Variants in UBIAD1 observed in about 807,000 individuals in gnomAD.
UBIAD1 encodes the protein UbiA prenyltransferase domain containing 1.
In UBIAD1, 12 loss-of-function variants were observed where a neutral mutation model predicts 20.1. The observed-to-expected ratio is 0.60, with a 90% CI of 0.38 to 0.97. The LOEUF (loss-of-function observed/expected upper bound fraction) is 0.97, where lower values mean the gene tolerates loss of function less well. UBIAD1 is among the 50% of genes least tolerant of loss of function. UBIAD1 has a pLI of 0.00. For synonymous variants in UBIAD1, 207 were observed against 189.2 expected, an observed-to-expected ratio of 1.09 and a Z score of -0.77; for missense variants, 333 against 419.5, an observed-to-expected ratio of 0.79 and a Z score of 1.80.
chr1:11,285,523 C>T lies in UBIAD1; in HGVS notation c.530-121C>T, dbSNP rs539837623. ...GGGGTTAAGGGATGAAATGAGTGCC[C>T]ACCTGCACAGTCTAAGGATTTACCA... On this transcript the variant is annotated intron_variant, in intron 1 of 1. Coordinates refer to ENST00000376810, the MANE Select transcript of UBIAD1 (RefSeq NM_013319.3). The surrounding 1 kb of genome is among the most constrained non-coding windows in gnomAD (Gnocchi z 4.4). 6.1e-6 allele frequency: 9 copies of T among 1,463,694 alleles called. No individual in the cohort carries two copies. The highest frequency in any genetic ancestry group is 1.8e-5 in the Admixed American group (1 of 55,292). The allele number at this position is 1,463,694 out of a possible 1,614,324, so 90.7% of individuals were successfully genotyped here.
downstream of UBIAD1, among the ~76,000 whole-genome samples, chr1:11,299,090 G>A (rs1034469127): frequency 6.6e-6 from 1 of 152,252 alleles, no homozygotes; most frequent in African/African-American, 2.4e-5. Context: ...TGCATGAGAG[G>A]TGGGAGAAGA....
chr1:11,284,847 G>A (rs968567661), intron 1 of UBIAD1, among the ~76,000 whole-genome samples: 1 of 152,136 alleles, frequency 6.6e-6, no homozygotes, highest in Non-Finnish European at 1.5e-5. Flanking sequence ...GGTTATGAGA[G>A]GGGAAGCTGA....
rs1375945581 is a variant in UBIAD1 at position 11,273,955 on chromosome 1, G to A, written c.424G>A (p.Gly142Ser). 5.0e-6 allele frequency: 8 copies of A among 1,614,186 alleles called. No individual in the cohort carries two copies. The highest frequency in any genetic ancestry group is 3.3e-5 in the Admixed American group (2 of 60,020). The change falls in exon 1 of 2, where the codon GGC (glycine) becomes AGC (serine). Residue 142 changes from glycine (G) to serine (S), a missense_variant. Gly to Ser is a moderately conservative substitution (Grantham distance 56). Transcript: ENST00000376810. This position sits in a 1 kb window ranked among gnomAD's most constrained non-coding sequence, Gnocchi z 4.9. ...VRFGVFLYTL[G>S]CVCAACLYYL... ...GTTCGGAGTCTTCCTCTACACGTTG[G>A]GCTGCGTCTGTGCCGCTTGCCTCTA...
chr1:11,290,962 C>T (rs2101026996), downstream of UBIAD1, among the ~76,000 whole-genome samples: 1 of 140,724 alleles, frequency 7.1e-6, no homozygotes, highest in South Asian at 2.1e-4. Flanking sequence ...GACTGTGTCT[C>T]CTAAATAAAC....
In UBIAD1 at chr1:11,288,115, GTGCTC is replaced by G. The variant is rs1189798830; in HGVS notation, c.*1985_*1989del. Reference sequence around the variant, plus strand: ...TTCACACCAGGCTTGTGGCATTTTGGTGCTCACAGGGGTTTTGCCTTCTGACCTCT... The same window carrying G: ...TTCACACCAGGCTTGTGGCATTTTGGACAGGGGTTTTGCCTTCTGACCTCT... On this transcript the variant is annotated 3_prime_UTR_variant, in exon 2 of 2. Coordinates refer to ENST00000376810, the MANE Select transcript of UBIAD1 (RefSeq NM_013319.3). 1 of 152,086 alleles carries G rather than the reference GTGCTC, an allele frequency of 6.6e-6. No individual in the cohort carries two copies. The highest frequency in any genetic ancestry group is 2.4e-5 in the African/African-American group (1 of 41,410). 9.4% of individuals were successfully genotyped at this position (152,086 alleles called of 1,614,324 possible).
chr1:11,286,557 G>A lies in UBIAD1; in HGVS notation c.*426G>A, dbSNP rs1253849525. 2.4e-5 allele frequency: 7 copies of A among 290,754 alleles called. No homozygotes were observed. Among genetic ancestry groups the A allele is most frequent in the Non-Finnish European group, 3.3e-5 (5 of 151,336 alleles). The allele number at this position is 290,754 out of a possible 1,614,324, so 18.0% of individuals were successfully genotyped here. A position where few individuals can be genotyped will look rare whatever the true frequency, so the allele number is the denominator to read the frequency against. On this transcript the variant is annotated 3_prime_UTR_variant, in exon 2 of 2. Transcript: ENST00000376810. ...AGTGTTGTCCTGCTTTCTTCGTCTC[G>A]TAGGATGTGCTATGATTGGTGCCAG...
downstream of UBIAD1, among the ~76,000 whole-genome samples, chr1:11,289,948 T>G (rs1372078356): frequency 6.6e-6 from 1 of 152,130 alleles, no homozygotes; most frequent in Non-Finnish European, 1.5e-5. Context: ...GCCAGGCTGG[T>G]CTCAAACTCC....
intron 1 of UBIAD1, among the ~76,000 whole-genome samples, chr1:11,282,581 AAGAC>A (rs1652275733): frequency 1.4e-5 from 2 of 143,008 alleles, no homozygotes; most frequent in Admixed American, 6.8e-5. Flanking sequence ...TTTTTTTCAA[AAGAC>A]AGAGTTTAGC....
chr1:11,288,279 G>A lies in UBIAD1; in HGVS notation c.*2148G>A, dbSNP rs1323605179. 2.0e-5 allele frequency: 3 copies of A among 152,128 alleles called. No individual in the cohort carries two copies. Among genetic ancestry groups the A allele is most frequent in the African/African-American group, 7.2e-5 (3 of 41,408 alleles). 9.4% of individuals were successfully genotyped at this position (152,128 alleles called of 1,614,324 possible). A position where few individuals can be genotyped will look rare whatever the true frequency, so the allele number is the denominator to read the frequency against. The stretch of plus-strand genomic sequence containing the variant: ...TCAGTTCTGCACTGTGCCCTGGTGC[G>A]GATTTTAATGCATATTTTTATATAT... On this transcript the variant is annotated 3_prime_UTR_variant, in exon 2 of 2. Coordinates refer to ENST00000376810, the MANE Select transcript of UBIAD1 (RefSeq NM_013319.3).
At chr1:11,279,250 GC>G in intron 1 of UBIAD1, 1 of 230,040 alleles carries the variant, frequency 4.3e-6, no homozygotes. Flanking sequence ...CATCTTTAAG[GC>G]CCCAGTTAAT....
chr1:11,275,954 C>T (rs898784224), intron 1 of UBIAD1, among the ~76,000 whole-genome samples: 2 of 152,040 alleles, frequency 1.3e-5, no homozygotes, highest in Admixed American at 1.3e-4. Context: ...AAGAGAAGTA[C>T]GTTTGGGGAG....
chr1:11,298,807 G>T (rs147181827), downstream of UBIAD1, among the ~76,000 whole-genome samples: 7 of 151,454 alleles, frequency 4.6e-5, no homozygotes, highest in East Asian at 1.4e-3. This position sits in a 1 kb window ranked among gnomAD's most constrained non-coding sequence, Gnocchi z 4.0. Context: ...CTCCAAGGAG[G>T]ATAAGGGGAA....
In UBIAD1 at chr1:11,273,994, C is replaced by G. The variant is rs1391520599; in HGVS notation, c.463C>G (p.Leu155Val). 4.3e-6 allele frequency: 7 copies of G among 1,614,210 alleles called. No individual in the cohort carries two copies. Among genetic ancestry groups the G allele is most frequent in the Non-Finnish European group, 5.9e-6 (7 of 1,180,034 alleles). The change falls in exon 1 of 2, where the codon CTG (leucine) becomes GTG (valine). Residue 155 changes from leucine to valine, a missense_variant. Transcript: ENST00000376810. The surrounding 1 kb of genome is among the most constrained non-coding windows in gnomAD (Gnocchi z 4.9). Reference sequence around the variant, plus strand: ...CGCTTGCCTCTACTACCTGTCCCCTCTGAAACTGGAGCACTTGGCTCTTAT... The same window carrying G: ...CGCTTGCCTCTACTACCTGTCCCCTGTGAAACTGGAGCACTTGGCTCTTAT... ...CAACLYYLSP[L>V]KLEHLALIYF...
At chr1:11,277,793 G>A (rs951852111) in intron 1 of UBIAD1, among the ~76,000 whole-genome samples, 1 of 151,768 alleles carries the variant, frequency 6.6e-6, no homozygotes, top group Non-Finnish European at 1.5e-5. Context: ...TACAGGCATG[G>A]GCCACCACGC....
chr1:11,276,207 G>T (rs1301540253), intron 1 of UBIAD1, among the ~76,000 whole-genome samples: 5 of 152,158 alleles, frequency 3.3e-5, no homozygotes, highest in Non-Finnish European at 7.3e-5. Context: ...TGTATCTAGC[G>T]GGTGGTAGTG....
At chr1:11,299,319 T>C (rs1638496236), downstream of UBIAD1, among the ~76,000 whole-genome samples, 1 of 152,196 alleles carries the variant, frequency 6.6e-6, no homozygotes. Flanking sequence ...GGCCTCCCTA[T>C]GGCCCTGAGA....
At chr1:11,295,143 A>G (rs1308007557) in exon 2 of UBIAD1, 2 of 551,736 alleles carry the variant, frequency 3.6e-6, no homozygotes, top group Non-Finnish European at 3.3e-6. Context: ...GAACCATAGA[A>G]TAAACAACGA....
chr1:11,279,210 C>A, intron 1 of UBIAD1: 1 of 232,964 alleles, frequency 4.3e-6, no homozygotes. Context: ...ATAATCATGC[C>A]TGTCCACCTT....
At chr1:11,293,271 G>C (rs1056270424), downstream of UBIAD1, among the ~76,000 whole-genome samples, 4 of 152,108 alleles carry the variant, frequency 2.6e-5, no homozygotes, top group Non-Finnish European at 5.9e-5. Context: ...GCACTCCCAC[G>C]GTCCTGCCAT....
Sources: allele counts gnomAD v4.1 joint callset (sites outside exome capture counted in the v4.1 genomes callset), GRCh38; gene constraint gnomAD v4.1.1; non-coding constraint Gnocchi (gnomAD v3.1); transcripts MANE v1.5; gene names NCBI Gene and HGNC (gene_info 2026-07-23, HGNC 2026-07-21).